Variants in TBCK observed in about 807,000 individuals in gnomAD.
TBCK encodes TBC domain-containing protein kinase-like protein.
In TBCK, 99 loss-of-function variants were observed where a neutral mutation model predicts 113.4. The observed-to-expected ratio is 0.87, with a 90% CI of 0.74 to 1.03. The LOEUF (loss-of-function observed/expected upper bound fraction) is 1.03, where lower values mean the gene tolerates loss of function less well. TBCK is among the 50% of genes least tolerant of loss of function. The pLI, the probability that TBCK is intolerant of heterozygous loss-of-function variation, is 0.00. For missense variants in TBCK, 1,045 were observed against 1,061.3 expected, an observed-to-expected ratio of 0.98 and a Z score of 0.21; for synonymous variants, 369 against 370.8, an observed-to-expected ratio of 1.00 and a Z score of 0.05.
chr4:106,121,590 C>T (rs1394115093), intron 23 of TBCK, among the ~76,000 whole-genome samples: 1 of 151,820 alleles, frequency 6.6e-6, no homozygotes, highest in South Asian at 2.1e-4. Context: ...AGCACCACAC[C>T]ACACCTATTC....
intron 23 of TBCK, among the ~76,000 whole-genome samples, chr4:106,146,632 C>A (rs1747838608): frequency 6.6e-6 from 1 of 152,174 alleles, no homozygotes; most frequent in Non-Finnish European, 1.5e-5. Flanking sequence ...TGCTAACGGT[C>A]ATCTAAGCCC....
intron 19 of TBCK, among the ~76,000 whole-genome samples, chr4:106,216,201 G>A (rs1380659422): frequency 6.6e-6 from 1 of 150,998 alleles, no homozygotes; most frequent in East Asian, 1.9e-4. Context: ...AGAATCTCTG[G>A]GACACATTCA....
chr4:106,169,678 A>G (rs1464689777), intron 23 of TBCK, among the ~76,000 whole-genome samples: 1 of 152,102 alleles, frequency 6.6e-6, no homozygotes, highest in East Asian at 1.9e-4. Context: ...TAATTCAAGC[A>G]TATTACATTT....
intron 5 of TBCK, 43 bp from the exon 6 acceptor site, chr4:106,252,050 A>G (rs773919930): frequency 6.7e-7 from 1 of 1,494,024 alleles, no homozygotes; most frequent in South Asian, 1.3e-5. Context: ...CAACAGGGAA[A>G]GAAGCGATAG....
chr4:106,077,054 T>C (rs1738275032), intron 25 of TBCK, among the ~76,000 whole-genome samples: 1 of 152,112 alleles, frequency 6.6e-6, no homozygotes, highest in African/African-American at 2.4e-5. Flanking sequence ...TGAGCTGAGA[T>C]TGTACTACTG....
chr4:106,122,825 A>G (rs1744618296), intron 23 of TBCK, among the ~76,000 whole-genome samples: 1 of 152,024 alleles, frequency 6.6e-6, no homozygotes, highest in African/African-American at 2.4e-5. Context: ...AAATTCAACA[A>G]CCCTTCATGC....
At chr4:106,137,902 A>G (rs1746751014) in intron 23 of TBCK, among the ~76,000 whole-genome samples, 2 of 140,928 alleles carry the variant, frequency 1.4e-5, no homozygotes, top group African/African-American at 2.5e-5. Context: ...GCTATACGGT[A>G]TCATTCTGGA....
chr4:106,256,706 G>A (rs151040639), intron 5 of TBCK, among the ~76,000 whole-genome samples: 172 of 152,240 alleles, frequency 1.1e-3, no homozygotes, highest in Middle Eastern at 6.8e-3. Flanking sequence ...GGCCCCCATA[G>A]GCTCCGTGAA....
chr4:106,194,590 T>G (rs1754006861), intron 21 of TBCK, 128 bp downstream of exon 21: 2 of 659,158 alleles, frequency 3.0e-6, no homozygotes, highest in African/African-American at 3.9e-5. Context: ...CTAACTCTAT[T>G]ATGTTAGAAA....
chr4:106,122,658 A>G (rs1744585007), intron 23 of TBCK, among the ~76,000 whole-genome samples: 2 of 152,342 alleles, frequency 1.3e-5, no homozygotes, highest in South Asian at 4.1e-4. Context: ...CCAGCAGCAC[A>G]TCAAAAAGCT....
At chr4:106,090,056 C>A (rs530086294) in intron 25 of TBCK, among the ~76,000 whole-genome samples, 1 of 152,354 alleles carries the variant, frequency 6.6e-6, no homozygotes, top group African/African-American at 2.4e-5. Context: ...ATTGGCACTG[C>A]CCTAGTATAG....
chr4:106,116,492 C>CT, intron 23 of TBCK, 114 bp from the exon 24 acceptor site: 1 of 896,824 alleles, frequency 1.1e-6, no homozygotes, highest in Non-Finnish European at 1.7e-6. Flanking sequence ...GAAGAGGAAA[C>CT]TATCTAATTT....
intron 25 of TBCK, among the ~76,000 whole-genome samples, chr4:106,081,486 G>C (rs1159710947): frequency 2.0e-5 from 3 of 152,154 alleles, no homozygotes; most frequent in Non-Finnish European, 2.9e-5. Context: ...GCCACATGGT[G>C]GTGAGGGGAA....
intron 10 of TBCK, among the ~76,000 whole-genome samples, chr4:106,245,039 T>A (rs755711623): frequency 4.6e-5 from 7 of 151,976 alleles, no homozygotes; most frequent in Non-Finnish European, 8.8e-5. Context: ...GAGAGGAGAA[T>A]AAAGGGAGCT....
intron 22 of TBCK, among the ~76,000 whole-genome samples, chr4:106,188,001 C>A (rs1279584747): frequency 2.0e-5 from 3 of 152,104 alleles, no homozygotes; most frequent in Non-Finnish European, 4.4e-5. Context: ...TGAAAAGAGA[C>A]AGTTTGATTT....
intron 24 of TBCK, among the ~76,000 whole-genome samples, chr4:106,096,466 C>A (rs1282774300): frequency 2.0e-5 from 3 of 152,186 alleles, no homozygotes; most frequent in African/African-American, 7.2e-5. Flanking sequence ...TATCAAACAA[C>A]CTTTTCAACT....
At chr4:106,090,540 C>A (rs944126575) in intron 25 of TBCK, among the ~76,000 whole-genome samples, 1 of 152,158 alleles carries the variant, frequency 6.6e-6, no homozygotes, top group African/African-American at 2.4e-5. Context: ...ATTTTTTCTA[C>A]CATAGGGCTG....
chr4:106,149,592 T>C (rs1748243369), intron 23 of TBCK, among the ~76,000 whole-genome samples: 1 of 152,190 alleles, frequency 6.6e-6, no homozygotes. Context: ...AAGTTTGCCA[T>C]TTTAAATGGG....
At chr4:106,241,318 A>G (rs1027281508) in intron 12 of TBCK, among the ~76,000 whole-genome samples, 2 of 151,838 alleles carry the variant, frequency 1.3e-5, no homozygotes, top group African/African-American at 4.8e-5. Flanking sequence ...AAATACATCA[A>G]TTCTCTACAA....
Sources: gnomAD v4.1 joint callset for allele counts (sites outside exome capture counted in the v4.1 genomes callset) on GRCh38, gnomAD v4.1.1 for gene constraint, MANE v1.5 for transcripts, NCBI Gene and HGNC (gene_info 2026-07-23, HGNC 2026-07-21) for gene names.